Variants in MAF observed in about 807,000 individuals in gnomAD.
MAF encodes the protein MAF bZIP transcription factor.
MAF carries 10 observed loss-of-function variants against 22.0 expected under a neutral mutation model. The ratio of observed to expected loss-of-function variants is 0.45; its 90% CI spans 0.28 to 0.77. MAF has a LOEUF of 0.77. MAF is among the 30% of genes least tolerant of loss of function. The pLI is 0.12. For synonymous variants in MAF, 337 were observed against 255.8 expected (o/e 1.32, Z -3.03); for missense variants, 544 against 548.4 (o/e 0.99, Z 0.08).
the MAF span, among the ~76,000 whole-genome samples, chr16:79,302,389 A>T: frequency 6.6e-6 from 1 of 151,678 alleles, no homozygotes; most frequent in African/African-American, 2.4e-5. Context: ...TACCAAGAAA[A>T]GTGGTCAGTG....
the MAF span, among the ~76,000 whole-genome samples, chr16:79,414,932 T>C: frequency 0.042 from 6,415 of 152,292 alleles, 274 homozygotes; most frequent in African/African-American, 0.11. Context: ...TGTCATAGGG[T>C]GTCCCCAATC....
chr16:79,468,467 T>C, the MAF span, among the ~76,000 whole-genome samples: 2 of 152,212 alleles, frequency 1.3e-5, no homozygotes, highest in African/African-American at 2.4e-5. Flanking sequence ...GTGGGAGACC[T>C]GCTCTTGTTT....
At chr16:79,448,842 G>A in the MAF span, among the ~76,000 whole-genome samples, 1 of 152,004 alleles carries the variant, frequency 6.6e-6, no homozygotes, top group Non-Finnish European at 1.5e-5. Flanking sequence ...TGGCACCAGG[G>A]ACTCGTTTCA....
At chr16:79,340,275 T>A in the MAF span, among the ~76,000 whole-genome samples, 2 of 151,956 alleles carry the variant, frequency 1.3e-5, no homozygotes, top group African/African-American at 4.8e-5. Context: ...CCTTCAACAC[T>A]TTGGTGTCTC....
chr16:79,374,232 T>G, the MAF span, among the ~76,000 whole-genome samples: 1 of 152,214 alleles, frequency 6.6e-6, no homozygotes, highest in South Asian at 2.1e-4. Context: ...TTATCATATC[T>G]TTCCTGCATA....
the MAF span, among the ~76,000 whole-genome samples, chr16:79,343,106 G>A: frequency 1.4e-4 from 22 of 152,288 alleles, no homozygotes; most frequent in East Asian, 1.9e-3. Context: ...CAGAACAAGC[G>A]AATGAGGTAC....
the MAF span, among the ~76,000 whole-genome samples, chr16:79,298,428 C>G: frequency 6.6e-6 from 1 of 152,198 alleles, no homozygotes; most frequent in Non-Finnish European, 1.5e-5. Context: ...GGATACAGAT[C>G]CTGCAAGCTC....
chr16:79,281,361 T>C, the MAF span, among the ~76,000 whole-genome samples: 11 of 152,068 alleles, frequency 7.2e-5, no homozygotes, highest in African/African-American at 2.2e-4. Context: ...CAATCTATGG[T>C]TTAATAAAAG....
At chr16:79,583,323 C>A (rs1041438180), downstream of MAF, among the ~76,000 whole-genome samples, 3 of 152,134 alleles carry the variant, frequency 2.0e-5, no homozygotes, top group Admixed American at 2.0e-4. Flanking sequence ...TAGGTGTAAT[C>A]AGGGTAAACG....
the MAF span, chr16:79,202,677 T>C: frequency 6.6e-6 from 1 of 152,154 alleles, no homozygotes; most frequent in Non-Finnish European, 1.5e-5. Flanking sequence ...GAGAGTTTTT[T>C]CCCCTCTGTT....
At chr16:79,323,154 A>C in the MAF span, among the ~76,000 whole-genome samples, 2 of 82,056 alleles carry the variant, frequency 2.4e-5, no homozygotes, top group African/African-American at 1.2e-4. Context: ...ATCTAAAAAA[A>C]AAAAAAAAAA....
chr16:79,273,556 G>C, the MAF span, among the ~76,000 whole-genome samples: 1 of 152,160 alleles, frequency 6.6e-6, no homozygotes, highest in African/African-American at 2.4e-5. Flanking sequence ...GGCTGTGGGG[G>C]AGAATCTGTT....
the MAF span, among the ~76,000 whole-genome samples, chr16:79,426,458 A>G: frequency 6.6e-6 from 1 of 152,178 alleles, no homozygotes; most frequent in Non-Finnish European, 1.5e-5. Context: ...AGTATTTGTT[A>G]TCTTACATAG....
At chr16:79,573,779 G>A in the MAF span, among the ~76,000 whole-genome samples, 1 of 152,160 alleles carries the variant, frequency 6.6e-6, no homozygotes, top group African/African-American at 2.4e-5. Flanking sequence ...ACATTTAACA[G>A]GCTGTCCAGG....
chr16:79,419,778 G>A, the MAF span, among the ~76,000 whole-genome samples: 1 of 152,142 alleles, frequency 6.6e-6, no homozygotes, highest in Non-Finnish European at 1.5e-5. Flanking sequence ...CTAATCAAGA[G>A]TGCAGGAAGC....
chr16:79,553,266 A>G, the MAF span, among the ~76,000 whole-genome samples: 3 of 152,220 alleles, frequency 2.0e-5, no homozygotes, highest in African/African-American at 7.2e-5. Context: ...GGCCTTGGCC[A>G]TTGCCACCTC....
chr16:79,223,074 C>T, the MAF span, among the ~76,000 whole-genome samples: 5 of 152,190 alleles, frequency 3.3e-5, no homozygotes, highest in Non-Finnish European at 7.3e-5. Flanking sequence ...ACATTCTTCT[C>T]AGCACCACAT....
the MAF span, among the ~76,000 whole-genome samples, chr16:79,242,285 C>G: frequency 6.6e-6 from 1 of 150,842 alleles, no homozygotes; most frequent in African/African-American, 2.4e-5. Context: ...GTGTGGTATT[C>G]AGGAGACCCA....
At chr16:79,539,801 C>T in the MAF span, among the ~76,000 whole-genome samples, 1 of 152,126 alleles carries the variant, frequency 6.6e-6, no homozygotes, top group East Asian at 1.9e-4. Flanking sequence ...TTTCTAAATG[C>T]CACATGATCA....
Sources: gnomAD v4.1 joint callset for allele counts (sites outside exome capture counted in the v4.1 genomes callset) on GRCh38, gnomAD v4.1.1 for gene constraint, MANE v1.5 for transcripts, NCBI Gene and HGNC (gene_info 2026-07-23, HGNC 2026-07-21) for gene names.